The following ZXDC variants were observed in gnomAD, a reference collection of about 807,000 sequenced individuals.
ZXDC encodes ZXD family zinc finger C.
In ZXDC, 58 loss-of-function variants were observed where a neutral mutation model predicts 63.6. The observed-to-expected ratio is 0.91, with a 90% confidence interval of 0.74 to 1.13. The LOEUF (loss-of-function observed/expected upper bound fraction) is 1.13, where lower values mean the gene tolerates loss of function less well. ZXDC is among the 50% of genes most tolerant of loss of function. The probability of loss-of-function intolerance (pLI) is 0.00; values close to 1 mark genes in which losing one functional copy is unlikely to be tolerated. For synonymous variants in ZXDC, 561 were observed against 496.1 expected (o/e 1.13, Z -1.74); for missense variants, 1,133 against 1,148.9 (o/e 0.99, Z 0.20).
At chr3:126,460,088 T>C in intron 6 of ZXDC, 4 of 985,446 alleles carry the variant, frequency 4.1e-6, no homozygotes, top group Non-Finnish European at 4.8e-6. Context: ...AGGGTCACCT[T>C]ACCGCGACAC....
chr3:126,441,965 A>C lies in ZXDC; in HGVS notation c.2213-19T>G. On this transcript the variant is annotated intron_variant, in intron 7 of 9. Coordinates refer to ENST00000389709, the MANE Select transcript of ZXDC (RefSeq NM_025112.5). ...GAGGCTCCTAAAATGAAATATAAAA[A>C]CGAGCACACCCAATCTACAATCTAC... 1 of 1,576,004 alleles carries C rather than the reference A, an allele frequency of 6.3e-7. No homozygotes were observed. Among genetic ancestry groups the C allele is most frequent in the South Asian group, 1.2e-5 (1 of 84,768 alleles).
At chr3:126,450,010 T>C (rs1208707477) in intron 7 of ZXDC, among the ~76,000 whole-genome samples, 1 of 152,204 alleles carries the variant, frequency 6.6e-6, no homozygotes, top group Non-Finnish European at 1.5e-5. Flanking sequence ...CACCCACTTC[T>C]GCAGCAGGAA....
chr3:126,457,307 C>G (rs1934346373), intron 7 of ZXDC: 2 of 985,284 alleles, frequency 2.0e-6, no homozygotes, highest in African/African-American at 3.5e-5. Context: ...AACACTGTGA[C>G]AAGACACACA....
chr3:126,464,156 T>A (rs1035509266), intron 5 of ZXDC, among the ~76,000 whole-genome samples: 2 of 152,236 alleles, frequency 1.3e-5, no homozygotes, highest in African/African-American at 2.4e-5. Context: ...AATTTCTTAC[T>A]TAGCACTTTA....
In ZXDC at chr3:126,442,190, C is replaced by T. The variant is rs577703529; in HGVS notation, c.2213-244G>A. 137 of 353,738 alleles carry T rather than the reference C, an allele frequency of 3.9e-4. 1 individual carries two copies. Among genetic ancestry groups the T allele is most frequent in the African/African-American group, 2.8e-3 (132 of 47,302 alleles). 21.9% of individuals were successfully genotyped at this position (353,738 alleles called of 1,614,324 possible). A position where few individuals can be genotyped will look rare whatever the true frequency, so the allele number is the denominator to read the frequency against. On this transcript the variant is annotated intron_variant, in intron 7 of 9. Coordinates refer to ENST00000389709, the MANE Select transcript of ZXDC (RefSeq NM_025112.5). ...TAAAAACATCATACGTATTTTTTTGCCAGACGGTACGGTAATCAGACACAA... is the reference window on the plus strand; with the variant it reads ...TAAAAACATCATACGTATTTTTTTGTCAGACGGTACGGTAATCAGACACAA...
intron 3 of ZXDC, 31 bp downstream of exon 3, chr3:126,471,942 C>T: frequency 1.3e-6 from 2 of 1,570,080 alleles, no homozygotes; most frequent in Non-Finnish European, 8.7e-7. Context: ...ATTTTCAAAC[C>T]TGATAATGCA....
At chr3:126,463,863 A>T (rs1224170429) in intron 5 of ZXDC, among the ~76,000 whole-genome samples, 5 of 152,214 alleles carry the variant, frequency 3.3e-5, no homozygotes. Context: ...AGTCTATTCT[A>T]GACAAAAAGA....
chr3:126,472,062 A>G lies in ZXDC; in HGVS notation c.1061-11T>C. ...TAAATGGTCTTTCACCTTATAAAAG[A>G]AAAAATTATACAGCATAAAATTTAC... On this transcript the variant is annotated splice_polypyrimidine_tract_variant and intron_variant, in intron 2 of 9. Coordinates refer to ENST00000389709, the MANE Select transcript of ZXDC (RefSeq NM_025112.5). The G allele has an allele frequency of 6.2e-7, 1 of 1,610,940 alleles. No individual in the cohort carries two copies. Among genetic ancestry groups the G allele is most frequent in the Non-Finnish European group, 8.5e-7 (1 of 1,179,132 alleles).
chr3:126,455,209 C>CT (rs1934259873), intron 7 of ZXDC: 1 of 422,460 alleles, frequency 2.4e-6, no homozygotes, highest in African/African-American at 2.1e-5. Flanking sequence ...CTGACCTGAA[C>CT]TGATGTAAAG....
At chr3:126,447,304 G>C (rs1045981140) in intron 7 of ZXDC, among the ~76,000 whole-genome samples, 5 of 152,204 alleles carry the variant, frequency 3.3e-5, no homozygotes, top group African/African-American at 1.2e-4. Context: ...TCATGAGTGA[G>C]CCTGGCATAT....
chr3:126,448,699 C>T (rs574355014), intron 7 of ZXDC, among the ~76,000 whole-genome samples: 158 of 152,296 alleles, frequency 1.0e-3, no homozygotes, highest in African/African-American at 3.4e-3. Context: ...ACAGGGACAG[C>T]GTATAGCAGA....
intron 7 of ZXDC, 186 bp from the exon 8 acceptor site, chr3:126,442,132 C>CA (rs1032028889): frequency 1.7e-6 from 1 of 574,324 alleles, no homozygotes; most frequent in Non-Finnish European, 2.6e-6. Context: ...ACCATACGAA[C>CA]AAAAAAACAT....
intron 7 of ZXDC, among the ~76,000 whole-genome samples, chr3:126,456,464 G>A (rs1934311036): frequency 6.6e-6 from 1 of 152,252 alleles, no homozygotes; most frequent in Non-Finnish European, 1.5e-5. Context: ...GTGAGTCTCA[G>A]GTGGGCTTCC....
At chr3:126,463,311 G>A (rs1393222902) in intron 5 of ZXDC, among the ~76,000 whole-genome samples, 1 of 151,984 alleles carries the variant, frequency 6.6e-6, no homozygotes, top group African/African-American at 2.4e-5. Flanking sequence ...CCTCGTGATC[G>A]GCCCGCCTGG....
At chr3:126,450,443 G>A (rs756030404) in intron 7 of ZXDC, 7 of 456,598 alleles carry the variant, frequency 1.5e-5, no homozygotes, top group Non-Finnish European at 2.6e-5. Flanking sequence ...GGGGCCCACA[G>A]GGTATGACAA....
At chr3:126,470,360 A>G (rs948039023) in intron 4 of ZXDC, among the ~76,000 whole-genome samples, 3 of 152,204 alleles carry the variant, frequency 2.0e-5, no homozygotes, top group African/African-American at 7.2e-5. Context: ...CCAGCTACTC[A>G]GAAGGCTGAG....
intron 6 of ZXDC, 183 bp from the exon 7 acceptor site, chr3:126,459,920 G>T (rs968790357): frequency 1.0e-6 from 1 of 985,320 alleles, no homozygotes; most frequent in African/African-American, 1.7e-5. Flanking sequence ...GAACAAACTT[G>T]GAGCTGGAAC....
At chr3:126,456,574 T>C (rs1442667110) in intron 7 of ZXDC, among the ~76,000 whole-genome samples, 1 of 152,242 alleles carries the variant, frequency 6.6e-6, no homozygotes, top group Non-Finnish European at 1.5e-5. Context: ...CTAGGAACTC[T>C]CATGGGCCCT....
rs1024316834 is a variant in ZXDC at position 126,467,141 on chromosome 3, A to G, written c.1271-816T>C. ...GAAACCACACACCTCCCGAGAAGGC[A>G]GAAAAGCGGTCTCAGGAGTATGCAG... On this transcript the variant is annotated intron_variant, in intron 4 of 9. Transcript: ENST00000389709. Among the ~76,000 whole-genome samples, 3 of 152,094 alleles carry G rather than the reference A, an allele frequency of 2.0e-5. 1 individual carries two copies. Among genetic ancestry groups the G allele is most frequent in the African/African-American group, 4.8e-5 (2 of 41,426 alleles).
Sources: gnomAD v4.1 joint callset for allele counts (sites outside exome capture counted in the v4.1 genomes callset) on GRCh38, gnomAD v4.1.1 for gene constraint, MANE v1.5 for transcripts, NCBI Gene and HGNC (gene_info 2026-07-23, HGNC 2026-07-21) for gene names.